Variants in CACNA1C observed in about 807,000 individuals in gnomAD.
CACNA1C encodes voltage-dependent L-type calcium channel subunit alpha-1C.
Under a neutral mutation model 229.0 loss-of-function variants are expected in CACNA1C, and 30 were observed. The ratio of observed to expected loss-of-function variants is 0.13; its 90% confidence interval spans 0.10 to 0.18. CACNA1C has a LOEUF of 0.18. CACNA1C is among the 10% of genes least tolerant of loss of function. CACNA1C has a pLI of 1.00. For missense variants in CACNA1C, 1,658 were observed against 2,845.0 expected (o/e 0.58, Z 9.49); for synonymous variants, 1,114 against 1,132.5 (o/e 0.98, Z 0.33).
intron 1 of CACNA1C, among the ~76,000 whole-genome samples, chr12:2,043,748 C>CG (rs1224864485): frequency 1.4e-5 from 2 of 142,868 alleles, no homozygotes; most frequent in Non-Finnish European, 3.0e-5. Context: ...CTCCGCTTCC[C>CG]GGGTTCACGC....
chr12:2,072,229 C>G (rs182411371), intron 1 of CACNA1C, among the ~76,000 whole-genome samples: 181 of 151,930 alleles, frequency 1.2e-3, no homozygotes, highest in Admixed American at 2.3e-3. Context: ...AACAGAGTCT[C>G]GCTGTGTCAC....
rs535980939 is a variant in CACNA1C, at chr12:2,296,147, G to A, written c.478-152829G>A. On this transcript the variant is annotated intron_variant, in intron 3 of 46. Transcript: ENST00000399655. The stretch of plus-strand genomic sequence containing the variant: ...CAAAGGGAGTGGGGAGCAGAGAGAC[G>A]CTGACAGATGATGAGTGAGCACAAA... Among the ~76,000 whole-genome samples the A allele has an allele frequency of 1.6e-3, 240 of 152,324 alleles. 1 individual carries two copies. Among genetic ancestry groups the A allele is most frequent in the African/African-American group, 5.2e-3 (218 of 41,580 alleles).
At chr12:2,074,983 G>C (rs2062677332) in intron 1 of CACNA1C, among the ~76,000 whole-genome samples, 1 of 152,216 alleles carries the variant, frequency 6.6e-6, no homozygotes, top group Non-Finnish European at 1.5e-5. Flanking sequence ...TAAATGACTG[G>C]GCTGTGGAGG....
At position 2,678,785 on chromosome 12, in the gene CACNA1C, C is replaced by T. The variant is rs2096956890; in HGVS notation, c.5092-659C>T. 6.6e-6 allele frequency among the ~76,000 whole-genome samples: 1 copy of T among 152,186 alleles called. No homozygotes were observed. Among genetic ancestry groups the T allele is most frequent in the Non-Finnish European group, 1.5e-5 (1 of 68,040 alleles). ...AAACCAAAGCCTCAGTCACCAAGGC[C>T]CAGGGATGCTCTGATGTCAAGGGTT... On this transcript the variant is annotated intron_variant, in intron 41 of 46. Coordinates refer to ENST00000399655, the MANE Select transcript of CACNA1C (RefSeq NM_000719.7). This position sits in a 1 kb window ranked among gnomAD's most constrained non-coding sequence, Gnocchi z 4.1.
At position 2,399,046 on chromosome 12, in the gene CACNA1C, A is replaced by G. The variant is rs185557161; in HGVS notation, c.478-49930A>G. Among the ~76,000 whole-genome samples, 4 of 152,118 alleles carry G rather than the reference A, an allele frequency of 2.6e-5. No homozygotes were observed. In the East Asian group the frequency reaches 7.7e-4, roughly 29 times the overall value. ...TCTCCCTTAACACCTCCCCCCGGGG[A>G]CTTGAGACAGGGGTGGCTCCTTTGC... On this transcript the variant is annotated intron_variant, in intron 3 of 46. Transcript: ENST00000399655.
intron 3 of CACNA1C, among the ~76,000 whole-genome samples, chr12:2,447,316 C>A (rs1296168512): frequency 6.6e-6 from 1 of 152,102 alleles, no homozygotes; most frequent in African/African-American, 2.4e-5. Context: ...TTTTATGGCA[C>A]AAAAATGGGC....
intron 10 of CACNA1C, among the ~76,000 whole-genome samples, chr12:2,550,311 C>T (rs891215064): frequency 6.6e-6 from 1 of 152,210 alleles, no homozygotes; most frequent in African/African-American, 2.4e-5. Context: ...CTTTTCATCA[C>T]ATCTGAGAAA....
intron 3 of CACNA1C, among the ~76,000 whole-genome samples, chr12:2,385,782 G>T (rs966979667): frequency 9.9e-5 from 15 of 152,164 alleles, no homozygotes; most frequent in Non-Finnish European, 1.9e-4. Flanking sequence ...TCACCCCTGG[G>T]TGTATATTAG....
chr12:2,465,959 C>T (rs1324702860), intron 5 of CACNA1C, among the ~76,000 whole-genome samples: 1 of 152,118 alleles, frequency 6.6e-6, no homozygotes, highest in Non-Finnish European at 1.5e-5. Flanking sequence ...TTAAAACATT[C>T]TTACTGATAC....
intron 7 of CACNA1C, among the ~76,000 whole-genome samples, chr12:2,503,415 A>C (rs2099764947): frequency 6.6e-6 from 1 of 152,268 alleles, no homozygotes; most frequent in Admixed American, 6.5e-5. Context: ...AGGCATCAGA[A>C]GAGATAGCTT....
intron 3 of CACNA1C, among the ~76,000 whole-genome samples, chr12:2,258,759 A>C (rs1332236417): frequency 6.6e-6 from 1 of 152,154 alleles, no homozygotes; most frequent in African/African-American, 2.4e-5. Context: ...TTTCTATCTT[A>C]TTATTGTAGA....
chr12:2,226,128 C>CACAA (rs2062909761), intron 3 of CACNA1C, among the ~76,000 whole-genome samples: 5 of 2,254 alleles, frequency 2.2e-3, no homozygotes, highest in Middle Eastern at 0.062. Flanking sequence ...GGGACGCGCA[C>CACAA]ACACACACAC....
intron 3 of CACNA1C, among the ~76,000 whole-genome samples, chr12:2,170,969 G>A (rs1442248170): frequency 1.3e-5 from 2 of 152,324 alleles, no homozygotes; most frequent in South Asian, 4.1e-4. Context: ...CTGTCCCTGT[G>A]CTTGGGCACT....
chr12:2,109,069 G>A (rs12819198), intron 1 of CACNA1C, among the ~76,000 whole-genome samples: 132 of 152,270 alleles, frequency 8.7e-4, no homozygotes, highest in Non-Finnish European at 1.5e-3. Flanking sequence ...TGTGAGCTGC[G>A]GCTGCTCACC....
chr12:2,676,905 T>G, intron 39 of CACNA1C, 189 bp from the exon 40 acceptor site: 1 of 515,190 alleles, frequency 1.9e-6, no homozygotes, highest in Non-Finnish European at 3.5e-6. Context: ...AGGGCTGTGG[T>G]GGGAGAGACT....
chr12:2,133,851 T>G (rs1397810292), intron 3 of CACNA1C, among the ~76,000 whole-genome samples: 23 of 74,052 alleles, frequency 3.1e-4, no homozygotes, highest in East Asian at 1.3e-3. Context: ...GTTCAATTCC[T>G]GGGTATCCTT....
At chr12:2,060,117 A>G (rs1215015523) in intron 1 of CACNA1C, among the ~76,000 whole-genome samples, 1 of 152,206 alleles carries the variant, frequency 6.6e-6, no homozygotes, top group Non-Finnish European at 1.5e-5. Flanking sequence ...TTTGTCTGCA[A>G]ACAGATCTGC....
At chr12:2,137,507 A>G (rs2058113) in intron 3 of CACNA1C, among the ~76,000 whole-genome samples, 148,778 of 150,828 alleles carry the variant, frequency 0.99, 73,477 homozygotes, top group East Asian at 1. Flanking sequence ...GAGTGCTTCA[A>G]CCCAGGAGTT....
chr12:2,476,909 C>A (rs2099632436), intron 5 of CACNA1C, among the ~76,000 whole-genome samples: 1 of 152,216 alleles, frequency 6.6e-6, no homozygotes, highest in African/African-American at 2.4e-5. Flanking sequence ...GGAAAGCTAT[C>A]CAGGCAATAG....
Sources: allele counts gnomAD v4.1 joint callset (sites outside exome capture counted in the v4.1 genomes callset), GRCh38; gene constraint gnomAD v4.1.1; non-coding constraint Gnocchi (gnomAD v3.1); transcripts MANE v1.5; gene names NCBI Gene and HGNC (gene_info 2026-07-23, HGNC 2026-07-21).